Variants in TRAPPC8 observed in about 807,000 individuals in gnomAD.
TRAPPC8 encodes general sporulation gene 1 homolog.
In TRAPPC8, 54 loss-of-function variants were observed where a neutral mutation model predicts 174.3. The ratio of observed to expected loss-of-function variants is 0.31; its 90% confidence interval spans 0.25 to 0.39. The LOEUF is 0.39. Among genes scored for constraint, TRAPPC8 ranks in the 10% least tolerant of loss-of-function variants. The pLI is 1.00. For missense variants in TRAPPC8, 1,531 were observed against 1,699.1 expected (o/e 0.90, Z 1.74); for synonymous variants, 630 against 579.9 (o/e 1.09, Z -1.24).
At chr18:31,912,647 C>A (rs1157578098) in intron 5 of TRAPPC8, among the ~76,000 whole-genome samples, 2 of 151,558 alleles carry the variant, frequency 1.3e-5, no homozygotes, top group Non-Finnish European at 2.9e-5. Flanking sequence ...GGCGACAGAG[C>A]AACACTCTGT....
At chr18:31,845,801 G>A (rs1203438007) in intron 26 of TRAPPC8, among the ~76,000 whole-genome samples, 1 of 152,102 alleles carries the variant, frequency 6.6e-6, no homozygotes, top group Non-Finnish European at 1.5e-5. Context: ...AGTAATAATG[G>A]AGGTGGGGCC....
intron 26 of TRAPPC8, among the ~76,000 whole-genome samples, chr18:31,841,888 A>T (rs1049866544): frequency 5.3e-5 from 8 of 152,234 alleles, no homozygotes; most frequent in African/African-American, 1.9e-4. Flanking sequence ...TTTATTTAAA[A>T]AAATAAACTA....
chr18:31,886,074 T>C (rs2035697477), intron 12 of TRAPPC8, among the ~76,000 whole-genome samples: 1 of 150,502 alleles, frequency 6.6e-6, no homozygotes, highest in Non-Finnish European at 1.5e-5. Context: ...GGTGCAATCT[T>C]GGGTCACTGC....
At chr18:31,905,712 A>C (rs755050376) in intron 9 of TRAPPC8, among the ~76,000 whole-genome samples, 34 of 152,146 alleles carry the variant, frequency 2.2e-4, no homozygotes, top group Non-Finnish European at 4.6e-4. Context: ...CATTATTTTT[A>C]GGGTAGCTTT....
At chr18:31,942,032 T>C (rs1300179496) in intron 1 of TRAPPC8, among the ~76,000 whole-genome samples, 1 of 152,230 alleles carries the variant, frequency 6.6e-6, no homozygotes, top group Non-Finnish European at 1.5e-5. Context: ...TCAAGTTTTA[T>C]TCTTCTTATA....
At chr18:31,905,297 A>G (rs1422237608) in intron 9 of TRAPPC8, among the ~76,000 whole-genome samples, 1 of 152,202 alleles carries the variant, frequency 6.6e-6, no homozygotes, top group African/African-American at 2.4e-5. Context: ...TTATAAACTT[A>G]TATCCTTCAG....
chr18:31,891,632 T>C (rs1227923060), intron 11 of TRAPPC8, among the ~76,000 whole-genome samples: 1 of 152,180 alleles, frequency 6.6e-6, no homozygotes, highest in Non-Finnish European at 1.5e-5. Flanking sequence ...AGGTTGCTGA[T>C]TAAATATCAA....
chr18:31,865,851 G>A (rs1280347284), intron 18 of TRAPPC8, among the ~76,000 whole-genome samples: 1 of 151,120 alleles, frequency 6.6e-6, no homozygotes, highest in Non-Finnish European at 1.5e-5. Flanking sequence ...AACTTTGTCT[G>A]GTTCTTGTCA....
chr18:31,936,173 C>T (rs1459761808), intron 1 of TRAPPC8, among the ~76,000 whole-genome samples: 1 of 151,832 alleles, frequency 6.6e-6, no homozygotes, highest in African/African-American at 2.4e-5. Context: ...TTAAAAAACC[C>T]TCTGGCTGGG....
chr18:31,837,042 G>A lies in TRAPPC8; in HGVS notation c.3983+2270C>T, dbSNP rs1292390104. ...CTCCCAAAGTGCTGGGATTACAGGC[G>A]TGAGCCACCGCGCCCGGCCCATCCT... On this transcript the variant is annotated intron_variant, in intron 27 of 28. Transcript: ENST00000283351. 5.3e-5 allele frequency among the ~76,000 whole-genome samples: 8 copies of A among 152,108 alleles called. No homozygotes were observed. The East Asian group carries it at 7.8e-4, about 15-fold the overall frequency.
At chr18:31,900,885 C>A in intron 10 of TRAPPC8, 40 bp downstream of exon 10, 5 of 1,428,106 alleles carry the variant, frequency 3.5e-6, no homozygotes, top group Non-Finnish European at 4.7e-6. Context: ...ACAAACTGAC[C>A]TTTAACTGGA....
intron 27 of TRAPPC8, 57 bp downstream of exon 27, chr18:31,839,255 C>A (rs1226699679): frequency 1.8e-5 from 28 of 1,523,670 alleles, no homozygotes; most frequent in Non-Finnish European, 2.5e-5. Flanking sequence ...ATAAAAGAAA[C>A]AAATACACGT....
chr18:31,893,164 A>G (rs1341046727), intron 11 of TRAPPC8, among the ~76,000 whole-genome samples: 1 of 151,374 alleles, frequency 6.6e-6, no homozygotes, highest in Non-Finnish European at 1.5e-5. Context: ...GTTTGTTGCG[A>G]TTTTCTGCTT....
chr18:31,898,567 CTG>C (rs2145413276), intron 10 of TRAPPC8, among the ~76,000 whole-genome samples: 1 of 152,332 alleles, frequency 6.6e-6, no homozygotes, highest in African/African-American at 2.4e-5. Flanking sequence ...CAAATTCTGA[CTG>C]TGTTTCATTT....
intron 5 of TRAPPC8, among the ~76,000 whole-genome samples, chr18:31,911,493 C>A (rs1254298792): frequency 1.3e-5 from 2 of 151,040 alleles, no homozygotes; most frequent in Non-Finnish European, 2.9e-5. Flanking sequence ...TGGCTCAGCA[C>A]TTTGGGAGGC....
At chr18:31,917,225 G>C (rs1486560126) in intron 3 of TRAPPC8, among the ~76,000 whole-genome samples, 1 of 151,952 alleles carries the variant, frequency 6.6e-6, no homozygotes, top group Non-Finnish European at 1.5e-5. Context: ...AGGATAAGCA[G>C]TCAATTCTGA....
intron 2 of TRAPPC8, among the ~76,000 whole-genome samples, chr18:31,923,832 G>A (rs898420676): frequency 6.6e-6 from 1 of 152,068 alleles, no homozygotes; most frequent in African/African-American, 2.4e-5. Flanking sequence ...GGGCAACTTA[G>A]TGAGACCCTA....
At chr18:31,877,923 CA>C (rs147914322) in intron 12 of TRAPPC8, among the ~76,000 whole-genome samples, 8,746 of 74,622 alleles carry the variant, frequency 0.12, 247 homozygotes, top group Middle Eastern at 0.22. Flanking sequence ...AACTCTGTCT[CA>C]AAAAAAAAAA....
chr18:31,832,043 T>A (rs779487377), intron 28 of TRAPPC8, 41 bp downstream of exon 28: 2 of 1,292,142 alleles, frequency 1.5e-6, no homozygotes, highest in Admixed American at 5.1e-5. Flanking sequence ...AATATTAAAT[T>A]GCTCCCAAAT....
Sources: gnomAD v4.1 joint callset for allele counts (sites outside exome capture counted in the v4.1 genomes callset) on GRCh38, gnomAD v4.1.1 for gene constraint, MANE v1.5 for transcripts, NCBI Gene and HGNC (gene_info 2026-07-23, HGNC 2026-07-21) for gene names.